The following TGFBI variants were observed in gnomAD, a reference collection of about 807,000 sequenced individuals.
The protein encoded by TGFBI is transforming growth factor beta induced, also known as transforming growth factor-beta-induced protein ig-h3.
Under a neutral mutation model 73.7 loss-of-function variants are expected in TGFBI, and 50 were observed. The ratio of observed to expected loss-of-function variants is 0.68; its 90% CI spans 0.54 to 0.86. TGFBI has a LOEUF of 0.86. Among genes scored for constraint, TGFBI ranks in the 40% least tolerant of loss-of-function variants. The probability of loss-of-function intolerance (pLI) is 0.00; values close to 1 mark genes in which losing one functional copy is unlikely to be tolerated. For synonymous variants in TGFBI, 362 were observed against 360.5 expected, an observed-to-expected ratio of 1.00 and a Z score of -0.05; for missense variants, 839 against 877.0, an observed-to-expected ratio of 0.96 and a Z score of 0.55.
intron 2 of TGFBI, among the ~76,000 whole-genome samples, chr5:136,041,265 G>A (rs905149618): frequency 6.6e-6 from 1 of 152,224 alleles, no homozygotes; most frequent in Non-Finnish European, 1.5e-5. Context: ...GCCACACTCG[G>A]TTAACCAGGA....
At chr5:136,055,886 C>G in intron 11 of TGFBI, 70 bp downstream of exon 11, 1 of 1,482,548 alleles carries the variant, frequency 6.7e-7, no homozygotes, top group Non-Finnish European at 9.1e-7. Context: ...GGGGCCCCAG[C>G]TATTTGTCAA....
chr5:136,049,528 G>A lies in TGFBI; in HGVS notation c.861G>A (p.Lys287=), dbSNP rs767449689. 5 of 1,614,012 alleles carry A rather than the reference G, an allele frequency of 3.1e-6. No homozygotes were observed. The highest frequency in any genetic ancestry group is 4.2e-6 in the Non-Finnish European group (5 of 1,179,888). Reference sequence around the variant, plus strand: ...CCCCGACCAATGAGGCCTTCGAGAAGATCCCTAGTGAGACTTTGAACCGTA... The same window carrying A: ...CCCCGACCAATGAGGCCTTCGAGAAAATCCCTAGTGAGACTTTGAACCGTA... The part of the protein sequence containing the change: ...LLAPTNEAFE[K]IPSETLNRIL... The change falls in exon 7 of 17, where the codon AAG becomes AAA. Residue 287 remains lysine, a synonymous_variant. Transcript: ENST00000442011.
At chr5:136,044,570 C>G (rs1312502050) in intron 3 of TGFBI, among the ~76,000 whole-genome samples, 1 of 152,262 alleles carries the variant, frequency 6.6e-6, no homozygotes, top group Non-Finnish European at 1.5e-5. Flanking sequence ...ATCCCCATCT[C>G]CCTCTGTGTC....
At chr5:136,033,988 T>C in intron 2 of TGFBI, 127 bp downstream of exon 2, 1 of 789,660 alleles carries the variant, frequency 1.3e-6, no homozygotes, top group Non-Finnish European at 2.2e-6. Flanking sequence ...TGCGAACATG[T>C]CTGGGACCTG....
In TGFBI at chr5:136,039,949, C is replaced by T. The variant is rs528520308; in HGVS notation, c.234-4109C>T. ...TCTGTGTTTGCTCTGCCATTCCTCT[C>T]GGAAACTATGATGCCCTGTATGGTT... On this transcript the variant is annotated intron_variant, in intron 2 of 16. Transcript: ENST00000442011. Among the ~76,000 whole-genome samples, 10 of 152,214 alleles carry T rather than the reference C, an allele frequency of 6.6e-5. No homozygotes were observed. In the East Asian group the frequency reaches 1.9e-3, roughly 29 times the overall value.
intron 2 of TGFBI, 39 bp downstream of exon 2, chr5:136,033,900 C>A (rs1201824102): frequency 1.3e-6 from 2 of 1,547,008 alleles, no homozygotes; most frequent in Non-Finnish European, 8.9e-7. Flanking sequence ...AAGCTGTATG[C>A]ACGCTGGCTG....
chr5:136,032,949 C>A (rs1258973192), intron 1 of TGFBI, among the ~76,000 whole-genome samples: 1 of 152,082 alleles, frequency 6.6e-6, no homozygotes. Context: ...TTCACAGGGT[C>A]CCTGAGGATT....
At chr5:136,035,615 A>G (rs1751204260) in intron 2 of TGFBI, among the ~76,000 whole-genome samples, 1 of 145,556 alleles carries the variant, frequency 6.9e-6, no homozygotes, top group Non-Finnish European at 1.5e-5. Context: ...ACAGAGTGAG[A>G]CACCGTCTCA....
At chr5:136,052,284 A>G (rs1751551270) in intron 7 of TGFBI, among the ~76,000 whole-genome samples, 1 of 152,266 alleles carries the variant, frequency 6.6e-6, no homozygotes, top group Non-Finnish European at 1.5e-5. Context: ...GGCAAAGGCC[A>G]AGTCTTACTG....
rs777531295 is a variant in TGFBI, at chr5:136,054,041, C to A, written c.1225C>A (p.Arg409=). ...GLGNHLSGSE[R]LTLLAPLNSV... is the part of the protein sequence containing the mutation. ...CGGCAATCATCTCTCTGGAAGTGAGCGGTTGACCCTCCTGGCTCCCCTGAA... is the reference window on the plus strand; with the variant it reads ...CGGCAATCATCTCTCTGGAAGTGAGAGGTTGACCCTCCTGGCTCCCCTGAA... The change falls in exon 9 of 17, where the codon CGG becomes AGG. Residue 409 remains arginine, a synonymous_variant. Coordinates refer to ENST00000442011, the MANE Select transcript of TGFBI (RefSeq NM_000358.3). 6.2e-7 allele frequency: 1 copy of A among 1,613,956 alleles called. No individual in the cohort carries two copies. Among genetic ancestry groups the A allele is most frequent in the East Asian group, 2.2e-5 (1 of 44,876 alleles).
intron 2 of TGFBI, among the ~76,000 whole-genome samples, chr5:136,037,052 G>T (rs1751238638): frequency 6.6e-6 from 1 of 152,184 alleles, no homozygotes; most frequent in African/African-American, 2.4e-5. Context: ...GCCTGCTTTT[G>T]TGAGGCCCCA....
In TGFBI at chr5:136,063,772, G is replaced by A. The variant is rs1751790717; in HGVS notation, c.*546G>A. On this transcript the variant is annotated 3_prime_UTR_variant, in exon 17 of 17. Coordinates refer to ENST00000442011, the MANE Select transcript of TGFBI (RefSeq NM_000358.3). Reference sequence around the variant, plus strand: ...TATGTAGAGCTTAGATTTCCCTATTGTGACAGAGCCATGGTGTGTTTGTAA... The same window carrying A: ...TATGTAGAGCTTAGATTTCCCTATTATGACAGAGCCATGGTGTGTTTGTAA... 6.3e-6 allele frequency: 1 copy of A among 158,360 alleles called. No individual in the cohort carries two copies. Among genetic ancestry groups the A allele is most frequent in the African/African-American group, 2.4e-5 (1 of 41,496 alleles). The allele number at this position is 158,360 out of a possible 1,614,324, so 9.8% of individuals were successfully genotyped here.
chr5:136,060,430 G>T lies in TGFBI; in HGVS notation c.1804-404G>T, dbSNP rs369850580. Among the ~76,000 whole-genome samples the T allele has an allele frequency of 1.2e-4, 18 of 152,330 alleles. No homozygotes were observed. In the East Asian group the frequency reaches 2.3e-3, roughly 20 times the overall value. ...TTGGCATATGAAAAGTGTTCAGTAGGCCGGGTGCAGTGGCTCATGCCTGTA... is the reference window on the plus strand; with the variant it reads ...TTGGCATATGAAAAGTGTTCAGTAGTCCGGGTGCAGTGGCTCATGCCTGTA... On this transcript the variant is annotated intron_variant, in intron 13 of 16. Transcript: ENST00000442011.
chr5:136,029,355 G>T (rs1202078281), intron 1 of TGFBI, among the ~76,000 whole-genome samples, 166 bp downstream of exon 1: 1 of 152,210 alleles, frequency 6.6e-6, no homozygotes, highest in Non-Finnish European at 1.5e-5. Flanking sequence ...GCGGTGGAAG[G>T]AGAGAGGGAG....
chr5:136,056,392 C>G, intron 11 of TGFBI: 2 of 420,700 alleles, frequency 4.8e-6, no homozygotes, highest in South Asian at 5.6e-5. Flanking sequence ...AGCCATACCT[C>G]TGCCCTTTCT....
chr5:136,034,596 CA>C (rs1396806741), intron 2 of TGFBI, among the ~76,000 whole-genome samples: 1 of 151,804 alleles, frequency 6.6e-6, no homozygotes, highest in African/African-American at 2.4e-5. Context: ...GTAAGAGTGC[CA>C]ACGGGGTGTG....
Position 136,053,968 on chromosome 5 carries a change from AGAGTCT to A in TGFBI, c.1155_1160del (p.Glu385_Ser386del). 6.2e-7 allele frequency: 1 copy of A among 1,614,056 alleles called. No homozygotes were observed. Among genetic ancestry groups the A allele is most frequent in the Non-Finnish European group, 8.5e-7 (1 of 1,179,886 alleles). The stretch of plus-strand genomic sequence containing the variant: ...CCAAGACACTATTTGAATTGGCTGC[AGAGTCT>A]GATGTGTCCACAGCCATTGACCTTT... On this transcript the variant is annotated inframe_deletion, in exon 9 of 17. Coordinates refer to ENST00000442011, the MANE Select transcript of TGFBI (RefSeq NM_000358.3).
Position 136,051,183 on chromosome 5 carries a change from A to T in TGFBI, c.913+1603A>T, listed in dbSNP as rs141062359. Reference sequence around the variant, plus strand: ...GGCCGGGCATGGTTATAATCCCAGCACTTTGGGAAGCCAAGGCGGGCAGAT... The same window carrying T: ...GGCCGGGCATGGTTATAATCCCAGCTCTTTGGGAAGCCAAGGCGGGCAGAT... On this transcript the variant is annotated intron_variant, in intron 7 of 16. Transcript: ENST00000442011. 3.3e-3 allele frequency among the ~76,000 whole-genome samples: 505 copies of T among 152,330 alleles called. 3 individuals are homozygous for T. Among genetic ancestry groups the T allele is most frequent in the African/African-American group, 0.012 (481 of 41,564 alleles).
chr5:136,061,419 A>G lies in TGFBI; in HGVS notation c.1907-81A>G, dbSNP rs2302037. On this transcript the variant is annotated intron_variant, in intron 14 of 16. Transcript: ENST00000442011. ...GGAAATGTGAGCCAGAAAGCCCACC[A>G]GTGCCCCTCAGTCACGGTTGTTATG... The G allele has an allele frequency of 4.6e-3, 4,453 of 978,512 alleles. 113 individuals carry two copies. The East Asian group carries it at 0.061, about 13-fold the overall frequency. 60.6% of individuals were successfully genotyped at this position (978,512 alleles called of 1,614,324 possible). A position where few individuals can be genotyped will look rare whatever the true frequency, so the allele number is the denominator to read the frequency against.
Sources: allele counts gnomAD v4.1 joint callset (sites outside exome capture counted in the v4.1 genomes callset), GRCh38; gene constraint gnomAD v4.1.1; transcripts MANE v1.5; gene names NCBI Gene and HGNC (gene_info 2026-07-23, HGNC 2026-07-21).